The following DDX27 variants were observed in gnomAD, a reference collection of about 807,000 sequenced individuals.
DDX27 encodes the protein probable ATP-dependent RNA helicase DDX27.
Under a neutral mutation model 99.3 loss-of-function variants are expected in DDX27, and 42 were observed. That is an observed-to-expected ratio of 0.42 (90% CI 0.33 to 0.55). The LOEUF (loss-of-function observed/expected upper bound fraction) is 0.55. Among genes scored for constraint, DDX27 ranks in the 20% least tolerant of loss-of-function variants. The pLI is 0.07. For missense variants in DDX27, 798 were observed against 976.8 expected, an observed-to-expected ratio of 0.82 and a Z score of 2.44; for synonymous variants, 329 against 353.8, an observed-to-expected ratio of 0.93 and a Z score of 0.79.
At chr20:49,232,270 T>C (rs910951898) in intron 9 of DDX27, among the ~76,000 whole-genome samples, 1 of 152,156 alleles carries the variant, frequency 6.6e-6, no homozygotes, top group African/African-American at 2.4e-5. Flanking sequence ...GCAGGAAGAC[T>C]AGAGACGTGG....
chr20:49,229,025 G>A (rs1342834561), intron 8 of DDX27, 137 bp downstream of exon 8: 3 of 642,248 alleles, frequency 4.7e-6, no homozygotes, highest in African/African-American at 4.0e-5. Context: ...TTAAAAACTG[G>A]AAGACTTTTT....
At chr20:49,238,643 T>G in intron 14 of DDX27, 1 of 326,358 alleles carries the variant, frequency 3.1e-6, no homozygotes, top group East Asian at 7.2e-5. Flanking sequence ...GATTTTTGTA[T>G]TTTTAATAGA....
At chr20:49,227,973 T>C (rs2146710763) in intron 7 of DDX27, among the ~76,000 whole-genome samples, 1 of 151,500 alleles carries the variant, frequency 6.6e-6, no homozygotes, top group South Asian at 2.1e-4. Context: ...CCTGAGTAGC[T>C]GGGATTACAG....
intron 19 of DDX27, 36 bp downstream of exon 19, chr20:49,242,717 CT>C (rs71186444): frequency 0.014 from 19,911 of 1,393,960 alleles, 1 homozygote; most frequent in East Asian, 0.038. Context: ...CCTTGGTATT[CT>C]TTTTTTTTTT....
Position 49,236,523 on chromosome 20 carries a change from C to T in DDX27, c.1687+13C>T. On this transcript the variant is annotated intron_variant, in intron 14 of 20. Transcript: ENST00000618172. The surrounding 1 kb of genome is among the most constrained non-coding windows in gnomAD (Gnocchi z 4.1). ...ATACTTCCCCAAGGTGAGCAGGCAC[C>T]CCTGTGGCAGTGCAGAATGGCTCGG... 6.4e-7 allele frequency: 1 copy of T among 1,560,416 alleles called. No homozygotes were observed. Among genetic ancestry groups the T allele is most frequent in the South Asian group, 1.2e-5 (1 of 82,556 alleles).
At chr20:49,225,468 T>C (rs1979850400) in intron 6 of DDX27, among the ~76,000 whole-genome samples, 1 of 148,606 alleles carries the variant, frequency 6.7e-6, no homozygotes. Context: ...TTTTTTTTTT[T>C]TTTTTGAGAC....
Position 49,223,268 on chromosome 20 carries a change from G to A in DDX27, c.301G>A (p.Asp101Asn), listed in dbSNP as rs1568971233. The A allele has an allele frequency of 6.2e-7, 1 of 1,604,826 alleles. No individual in the cohort carries two copies. Among genetic ancestry groups the A allele is most frequent in the Non-Finnish European group, 8.5e-7 (1 of 1,177,734 alleles). Reference sequence around the variant, plus strand: ...ACCCTCACTTTAATTTTTTTCCCAGGATAAAGAAGCCAAGTCTGGGAAGTT... The same window carrying A: ...ACCCTCACTTTAATTTTTTTCCCAGAATAAAGAAGCCAAGTCTGGGAAGTT... ...EKVRKKRKTEDKEAKSGKLEK... is the reference protein window; with the variant it reads ...EKVRKKRKTENKEAKSGKLEK... Residue 101 changes from aspartate to asparagine, a missense_variant and splice_region_variant, in exon 4 of 21, where the codon GAT becomes AAT. Coordinates refer to ENST00000618172, the MANE Select transcript of DDX27 (RefSeq NM_017895.8).
rs941747211 is a variant in DDX27, at chr20:49,234,811, G to T, written c.1274-124G>T. ...TCCACCCTGGAATTTGAGTTCCACAGGACAGGGACAGTGCCTGTCTATCCA... is the reference window on the plus strand; with the variant it reads ...TCCACCCTGGAATTTGAGTTCCACATGACAGGGACAGTGCCTGTCTATCCA... On this transcript the variant is annotated intron_variant, in intron 11 of 20. Coordinates refer to ENST00000618172, the MANE Select transcript of DDX27 (RefSeq NM_017895.8). 4 of 1,207,382 alleles carry T rather than the reference G, an allele frequency of 3.3e-6. No individual in the cohort carries two copies. In the African/African-American group the frequency reaches 4.6e-5, roughly 14 times the overall value. The allele number at this position is 1,207,382 out of a possible 1,614,324, so 74.8% of individuals were successfully genotyped here.
chr20:49,243,656 G>C lies in DDX27; in HGVS notation c.2232G>C (p.Leu744Phe). The change falls in exon 20 of 21, where the codon TTG becomes TTC. Residue 744 changes from leucine to phenylalanine, a missense_variant. This residue lies in a region of DDX27 where 553 missense variants were observed against 727.9 expected (regional missense o/e 0.76). Coordinates refer to ENST00000618172, the MANE Select transcript of DDX27 (RefSeq NM_017895.8). Reference sequence around the variant, plus strand: ...CTTCCTTTGAAGAAAGGAAACAGTTGGGCTTGCCCCACCAGAGACGAGGAG... The same window carrying C: ...CTTCCTTTGAAGAAAGGAAACAGTTCGGCTTGCCCCACCAGAGACGAGGAG... ...AGPSFEERKQ[L>F]GLPHQRRGGN... is the part of the protein sequence containing the mutation. The C allele has an allele frequency of 6.2e-7, 1 of 1,614,152 alleles. No individual in the cohort carries two copies. Among genetic ancestry groups the C allele is most frequent in the Non-Finnish European group, 8.5e-7 (1 of 1,180,042 alleles).
Position 49,225,123 on chromosome 20 carries a change from G to T in DDX27, c.524G>T (p.Gly175Val), listed in dbSNP as rs11553387. The change falls in exon 6 of 21, where the codon GGA (glycine) becomes GTA (valine). Residue 175 changes from glycine to valine, a missense_variant. Physicochemically the swap from Gly to Val is moderately radical, Grantham distance 109. Coordinates refer to ENST00000618172, the MANE Select transcript of DDX27 (RefSeq NM_017895.8). ...KKKKKGQEAG[G>V]FFEDASQYDE... ...GGTTTTCTGGTGTAGGAAGCAGGAG[G>T]ATTTTTTGAAGATGCATCTCAGTAC... The T allele has an allele frequency of 0.2, 323,182 of 1,612,734 alleles. 33,994 individuals are homozygous for T. Among genetic ancestry groups the T allele is most frequent in the Non-Finnish European group, 0.22 (256,891 of 1,178,878 alleles).
chr20:49,224,565 G>A (rs1979808543), intron 4 of DDX27, among the ~76,000 whole-genome samples: 1 of 152,128 alleles, frequency 6.6e-6, no homozygotes, highest in Non-Finnish European at 1.5e-5. Flanking sequence ...GTTTCACCAT[G>A]TTGGACAGGC....
In DDX27 at chr20:49,236,173, A is replaced by G. The variant is rs754285503; in HGVS notation, c.1451A>G (p.Asp484Gly). 1.2e-5 allele frequency: 20 copies of G among 1,612,370 alleles called. No homozygotes were observed. The highest frequency in any genetic ancestry group is 6.6e-5 in the South Asian group (6 of 90,790). The change falls in exon 13 of 21, where the codon GAC becomes GGC. Residue 484 changes from aspartate (D) to glycine (G), a missense_variant. Physicochemically the swap from Asp to Gly is moderately conservative, Grantham distance 94 (BLOSUM62 -1). Transcript: ENST00000618172. This position sits in a 1 kb window ranked among gnomAD's most constrained non-coding sequence, Gnocchi z 4.1. ...ALRRFKDEQI[D>G]ILVATDVAAR... is the part of the protein sequence containing the mutation. ...AGGCGTTTTAAGGATGAACAGATTG[A>G]CATCCTCGTGGCCACTGATGTGGCA...
At position 49,236,084 on chromosome 20, in the gene DDX27, C is replaced by T; in HGVS notation, c.1428-66C>T. On this transcript the variant is annotated intron_variant, in intron 12 of 20. Transcript: ENST00000618172. The surrounding 1 kb of genome is among the most constrained non-coding windows in gnomAD (Gnocchi z 4.1). ...TGCCCTGTTCTGTCCTCTGCTGGCT[C>T]AGGCTCTTGTGGAGCATTATTAGGG... The T allele has an allele frequency of 6.8e-7, 1 of 1,475,944 alleles. No individual in the cohort carries two copies. Among genetic ancestry groups the T allele is most frequent in the South Asian group, 1.3e-5 (1 of 79,570 alleles). The allele number at this position is 1,475,944 out of a possible 1,614,324, so 91.4% of individuals were successfully genotyped here.
In DDX27 at chr20:49,243,716, G is replaced by T; in HGVS notation, c.2279+13G>T. ...AATCTAAATCCAGGTGATACTGGCT[G>T]TTTTGGAGGGGCATAGGTTTTGGGA... On this transcript the variant is annotated intron_variant, in intron 20 of 20. Transcript: ENST00000618172. 6.2e-7 allele frequency: 1 copy of T among 1,614,098 alleles called. No homozygotes were observed. The highest frequency in any genetic ancestry group is 8.5e-7 in the Non-Finnish European group (1 of 1,179,942).
At chr20:49,238,609 A>G (rs1041553511) in intron 14 of DDX27, 3 of 256,838 alleles carry the variant, frequency 1.2e-5, no homozygotes, top group Non-Finnish European at 2.3e-5. Flanking sequence ...CTGGGATTAC[A>G]GGCGTGTGCC....
chr20:49,235,337 C>T lies in DDX27; in HGVS notation c.1427+249C>T, dbSNP rs546432608. ...CCCTAGCATGGGAGCTGTTGTGTGG[C>T]GTGACAGAGGAAGCTGGCTTGGAAA... On this transcript the variant is annotated intron_variant, in intron 12 of 20. Coordinates refer to ENST00000618172, the MANE Select transcript of DDX27 (RefSeq NM_017895.8). The T allele has an allele frequency of 8.2e-5, 31 of 376,990 alleles. 1 individual carries two copies. In the South Asian group the frequency reaches 1.6e-3, roughly 19 times the overall value. The allele number at this position is 376,990 out of a possible 1,614,324, so 23.4% of individuals were successfully genotyped here. A position where few individuals can be genotyped will look rare whatever the true frequency, so the allele number is the denominator to read the frequency against.
At position 49,243,989 on chromosome 20, in the gene DDX27, C is replaced by T. The variant is rs1413969206; in HGVS notation, c.*155C>T. Reference sequence around the variant, plus strand: ...TGGTGGTATGGTACGTAGCTATTTTCCTAAGCATGTCTGTCAATCTCCCTT... The same window carrying T: ...TGGTGGTATGGTACGTAGCTATTTTTCTAAGCATGTCTGTCAATCTCCCTT... On this transcript the variant is annotated 3_prime_UTR_variant, in exon 21 of 21. Coordinates refer to ENST00000618172, the MANE Select transcript of DDX27 (RefSeq NM_017895.8). 1 of 785,706 alleles carries T rather than the reference C, an allele frequency of 1.3e-6. No homozygotes were observed. Among genetic ancestry groups the T allele is most frequent in the East Asian group, 2.7e-5 (1 of 37,370 alleles). The allele number at this position is 785,706 out of a possible 1,614,324, so 48.7% of individuals were successfully genotyped here.
At chr20:49,225,019 C>A (rs117685578) in intron 5 of DDX27, 28 bp downstream of exon 5, 32,435 of 1,613,928 alleles carry the variant, frequency 0.02, 717 homozygotes, top group East Asian at 0.088. Flanking sequence ...AGACAGTATG[C>A]AGCTTGTTGG....
chr20:49,237,347 GT>G (rs755409156), intron 14 of DDX27, among the ~76,000 whole-genome samples: 2 of 146,104 alleles, frequency 1.4e-5, no homozygotes, highest in East Asian at 2.0e-4. Flanking sequence ...GAAATGAAAA[GT>G]ACGTATTTAT....
Sources: gnomAD v4.1 joint callset for allele counts (sites outside exome capture counted in the v4.1 genomes callset) on GRCh38, gnomAD v4.1.1 for gene constraint, gnomAD v4.1.1 regional missense constraint, Gnocchi (gnomAD v3.1) non-coding constraint, MANE v1.5 for transcripts, NCBI Gene and HGNC (gene_info 2026-07-23, HGNC 2026-07-21) for gene names.